EHD2: variants seen among roughly 807,000 people sequenced by gnomAD.
The protein encoded by EHD2 is EH domain-containing protein 2.
Under a neutral mutation model 41.0 loss-of-function variants are expected in EHD2, and 27 were observed. That is an observed-to-expected ratio of 0.66 (90% CI 0.49 to 0.91). The LOEUF (loss-of-function observed/expected upper bound fraction) is 0.91. Ranked by LOEUF, EHD2 falls within the 40% of genes least tolerant of loss-of-function variation. The probability of loss-of-function intolerance (pLI) is 0.00; values close to 1 mark genes in which losing one functional copy is unlikely to be tolerated. For missense variants in EHD2, 673 were observed against 773.9 expected, an observed-to-expected ratio of 0.87 and a Z score of 1.55; for synonymous variants, 342 against 341.0, an observed-to-expected ratio of 1.00 and a Z score of -0.03.
At chr19:47,713,973 T>G (rs1442691926) in intron 1 of EHD2, among the ~76,000 whole-genome samples, 1 of 152,030 alleles carries the variant, frequency 6.6e-6, no homozygotes, top group Non-Finnish European at 1.5e-5. Context: ...GGGCCCTCCC[T>G]GCCTGGGACA....
rs543104405 is a variant in EHD2, at chr19:47,741,117, C to G, written c.1317C>G (p.Asp439Glu). The G allele has an allele frequency of 5.6e-6, 9 of 1,610,712 alleles. No individual in the cohort carries two copies. Among genetic ancestry groups the G allele is most frequent in the Non-Finnish European group, 6.8e-6 (8 of 1,179,958 alleles). Reference sequence around the variant, plus strand: ...TGGAGGACGGCGAGGAGGGCTCGGACGACGAGGCCGAGTGGGTGGTGACCA... The same window carrying G: ...TGGAGGACGGCGAGGAGGGCTCGGAGGACGAGGCCGAGTGGGTGGTGACCA... ...EAMEDGEEGS[D>E]DEAEWVVTKD... The change falls in exon 6 of 6, where the codon GAC (aspartate) becomes GAG (glutamate). Residue 439 changes from aspartate (D) to glutamate (E), a missense_variant. Physicochemically the swap from Asp to Glu is conservative, Grantham distance 45. Transcript: ENST00000263277. This position sits in a 1 kb window ranked among gnomAD's most constrained non-coding sequence, Gnocchi z 4.5.
rs933165812 is a variant in EHD2 at position 47,716,799 on chromosome 19, G to A, written c.187G>A (p.Val63Met). ...CTTCGACGGCAAGCCCATGGTGCTG[G>A]TGGCCGGCCAGTACAGCACGGGCAA... Reference protein sequence around the residue: ...ADFDGKPMVLVAGQYSTGKTS... With the variant: ...ADFDGKPMVLMAGQYSTGKTS... The change falls in exon 2 of 6, where the codon GTG (valine) becomes ATG (methionine). Residue 63 changes from valine (V) to methionine (M), a missense_variant. Physicochemically the swap from Val to Met is conservative, Grantham distance 21. Coordinates refer to ENST00000263277, the MANE Select transcript of EHD2 (RefSeq NM_014601.4). The A allele has an allele frequency of 6.2e-7, 1 of 1,611,358 alleles. No homozygotes were observed. Among genetic ancestry groups the A allele is most frequent in the Non-Finnish European group, 8.5e-7 (1 of 1,178,690 alleles).
chr19:47,725,009 A>T (rs1973735210), intron 3 of EHD2, among the ~76,000 whole-genome samples: 1 of 141,146 alleles, frequency 7.1e-6, no homozygotes, highest in Non-Finnish European at 1.5e-5. Flanking sequence ...AAAAAAAAAA[A>T]AAAAAAAAAA....
In EHD2 at chr19:47,719,414, CTG is replaced by C. The variant is rs1220672798; in HGVS notation, c.502+811_502+812del. ...GGCCAGGCCTGGAATTTATAAACAG[CTG>C]TGCAAGGAGAGTGGCGGGGGGTGGA... On this transcript the variant is annotated intron_variant, in intron 3 of 5. Transcript: ENST00000263277. The surrounding 1 kb of genome is among the most constrained non-coding windows in gnomAD (Gnocchi z 4.1). Among the ~76,000 whole-genome samples the C allele has an allele frequency of 6.6e-6, 1 of 152,086 alleles. No homozygotes were observed. Among genetic ancestry groups the C allele is most frequent in the Non-Finnish European group, 1.5e-5 (1 of 67,994 alleles).
intron 2 of EHD2, 109 bp downstream of exon 2, chr19:47,717,125 G>A: frequency 1.4e-6 from 2 of 1,399,832 alleles, no homozygotes; most frequent in Non-Finnish European, 1.9e-6. Context: ...TCAGCTCATG[G>A]CAACCTCCAC....
At chr19:47,737,695 AATTT>A (rs961471588) in intron 5 of EHD2, among the ~76,000 whole-genome samples, 6 of 151,454 alleles carry the variant, frequency 4.0e-5, no homozygotes, top group African/African-American at 1.5e-4. Context: ...TACGTTTAAA[AATTT>A]ATTTATATAT....
At chr19:47,734,283 C>A (rs575982091) in intron 4 of EHD2, among the ~76,000 whole-genome samples, 1 of 151,200 alleles carries the variant, frequency 6.6e-6, no homozygotes, top group Non-Finnish European at 1.5e-5. Flanking sequence ...TGCACTGAGC[C>A]GAGATTGTGC....
chr19:47,714,508 G>A (rs982649626), intron 1 of EHD2, among the ~76,000 whole-genome samples: 20 of 152,112 alleles, frequency 1.3e-4, no homozygotes, highest in Admixed American at 1.0e-3. Flanking sequence ...CAGATCCTAC[G>A]GTGAATAAAA....
chr19:47,722,569 CT>C (rs34332497), intron 3 of EHD2, among the ~76,000 whole-genome samples: 88 of 145,460 alleles, frequency 6.0e-4, no homozygotes, highest in East Asian at 1.2e-3. Flanking sequence ...ACTTCTCTCT[CT>C]TTTTTTTTTT....
chr19:47,721,725 C>T (rs1973698907), intron 3 of EHD2, among the ~76,000 whole-genome samples: 1 of 152,044 alleles, frequency 6.6e-6, no homozygotes, highest in African/African-American at 2.4e-5. Flanking sequence ...TGGTTCACGC[C>T]TGTAATCCCA....
In EHD2 at chr19:47,726,336, G is replaced by T. The variant is rs779466903; in HGVS notation, c.915+112G>T. Reference sequence around the variant, plus strand: ...AGGGCCCAGGTTAGTTAGTTCTCTTGAAGTTGGGTCATTCTGGCACAGAGT... The same window carrying T: ...AGGGCCCAGGTTAGTTAGTTCTCTTTAAGTTGGGTCATTCTGGCACAGAGT... On this transcript the variant is annotated intron_variant, in intron 4 of 5. Coordinates refer to ENST00000263277, the MANE Select transcript of EHD2 (RefSeq NM_014601.4). The T allele has an allele frequency of 7.7e-5, 101 of 1,312,416 alleles. No homozygotes were observed. In the Middle Eastern group the frequency reaches 1.9e-3, roughly 25 times the overall value. The allele number at this position is 1,312,416 out of a possible 1,614,324, so 81.3% of individuals were successfully genotyped here. A position where few individuals can be genotyped will look rare whatever the true frequency, so the allele number is the denominator to read the frequency against.
In EHD2 at chr19:47,741,504, C is replaced by T; in HGVS notation, c.*72C>T. 6.8e-7 allele frequency: 1 copy of T among 1,475,642 alleles called. No homozygotes were observed. Among genetic ancestry groups the T allele is most frequent in the Non-Finnish European group, 9.0e-7 (1 of 1,105,404 alleles). 91.4% of individuals were successfully genotyped at this position (1,475,642 alleles called of 1,614,324 possible). A position where few individuals can be genotyped will look rare whatever the true frequency, so the allele number is the denominator to read the frequency against. On this transcript the variant is annotated 3_prime_UTR_variant, in exon 6 of 6. Coordinates refer to ENST00000263277, the MANE Select transcript of EHD2 (RefSeq NM_014601.4). The surrounding 1 kb of genome is among the most constrained non-coding windows in gnomAD (Gnocchi z 4.5). ...GGCTGCACGCACACCCCTGCTCCGG[C>T]TCACACACGCCCTGCCTGCCCTCCC...
At chr19:47,740,539 A>G (rs1966975129) in intron 5 of EHD2, among the ~76,000 whole-genome samples, 1 of 152,008 alleles carries the variant, frequency 6.6e-6, no homozygotes, top group African/African-American at 2.4e-5. Flanking sequence ...TGAGGTCAGG[A>G]GTTCGAGACC....
At chr19:47,716,423 A>T in intron 1 of EHD2, 135 bp from the exon 2 acceptor site, 1 of 554,914 alleles carries the variant, frequency 1.8e-6, no homozygotes, top group Non-Finnish European at 2.9e-6. Context: ...CTCTGTGACC[A>T]CATATTTGTG....
At chr19:47,735,379 G>A (rs1301397444) in intron 4 of EHD2, among the ~76,000 whole-genome samples, 1 of 152,190 alleles carries the variant, frequency 6.6e-6, no homozygotes, top group Non-Finnish European at 1.5e-5. Context: ...AGCCCCAGCA[G>A]GAGGAGGCCA....
intron 3 of EHD2, among the ~76,000 whole-genome samples, chr19:47,723,923 G>A (rs1325784808): frequency 6.6e-6 from 1 of 151,950 alleles, no homozygotes; most frequent in East Asian, 1.9e-4. Flanking sequence ...AGGCTCAAGC[G>A]ATCCTCCTGC....
In EHD2 at chr19:47,736,379, A is replaced by T. The variant is rs1167069833; in HGVS notation, c.926A>T (p.Tyr309Phe). The change falls in exon 5 of 6, where the codon TAC becomes TTC. Residue 309 changes from tyrosine (Y) to phenylalanine (F), a missense_variant. By Grantham distance (22) the Tyr-to-Phe change is conservative. Transcript: ENST00000263277. The stretch of plus-strand genomic sequence containing the variant: ...GAACCCTTCCCACAGGTTCACGCTT[A>T]CATCATCAGCTACCTGAAGAAGGAG... Reference protein sequence around the residue: ...KRARLVRVHAYIISYLKKEMP... With the variant: ...KRARLVRVHAFIISYLKKEMP... 3.7e-6 allele frequency: 6 copies of T among 1,613,068 alleles called. No individual in the cohort carries two copies. Among genetic ancestry groups the T allele is most frequent in the Non-Finnish European group, 5.1e-6 (6 of 1,179,676 alleles).
chr19:47,727,028 A>AT (rs1287175604), intron 4 of EHD2, among the ~76,000 whole-genome samples: 1 of 151,970 alleles, frequency 6.6e-6, no homozygotes, highest in African/African-American at 2.4e-5. Flanking sequence ...TACCCTCTTT[A>AT]TTTTTTGATA....
intron 4 of EHD2, among the ~76,000 whole-genome samples, chr19:47,735,503 C>T (rs1016298598): frequency 2.6e-5 from 4 of 151,948 alleles, no homozygotes; most frequent in African/African-American, 7.3e-5. Context: ...GAGGCTGAGG[C>T]GGGAGGATCC....
Sources: gnomAD v4.1 joint callset for allele counts (sites outside exome capture counted in the v4.1 genomes callset) on GRCh38, gnomAD v4.1.1 for gene constraint, Gnocchi (gnomAD v3.1) non-coding constraint, MANE v1.5 for transcripts, NCBI Gene and HGNC (gene_info 2026-07-23, HGNC 2026-07-21) for gene names.